CDH12: variants seen among roughly 807,000 people sequenced by gnomAD.
CDH12 encodes the protein cadherin-12.
CDH12 carries 41 observed loss-of-function variants against 74.1 expected under a neutral mutation model. That is an observed-to-expected ratio of 0.55 (90% CI 0.43 to 0.72). The LOEUF (loss-of-function observed/expected upper bound fraction) is 0.72, where lower values mean the gene tolerates loss of function less well. Ranked by LOEUF, CDH12 falls within the 30% of genes least tolerant of loss-of-function variation. The probability of loss-of-function intolerance (pLI) is 0.00; values close to 1 mark genes in which losing one functional copy is unlikely to be tolerated. For missense variants in CDH12, 945 were observed against 977.2 expected (o/e 0.97, Z 0.44); for synonymous variants, 399 against 355.0 (o/e 1.12, Z -1.39).
intron 4 of CDH12, among the ~76,000 whole-genome samples, chr5:22,087,546 C>A (rs949324697): frequency 6.6e-6 from 1 of 152,022 alleles, no homozygotes; most frequent in African/African-American, 2.4e-5. Flanking sequence ...GAGGCTGAGG[C>A]AGGAGAATTG....
At chr5:21,912,649 C>T (rs1753907821) in intron 6 of CDH12, among the ~76,000 whole-genome samples, 1 of 152,138 alleles carries the variant, frequency 6.6e-6, no homozygotes, top group Non-Finnish European at 1.5e-5. Context: ...TTAACTTTGA[C>T]TAGACAGTAG....
chr5:22,692,827 G>A (rs1351716675), intron 1 of CDH12, among the ~76,000 whole-genome samples: 2 of 150,500 alleles, frequency 1.3e-5, no homozygotes, highest in African/African-American at 4.9e-5. Flanking sequence ...TTTTTTTCCT[G>A]AATAAACCAT....
intron 1 of CDH12, among the ~76,000 whole-genome samples, chr5:22,849,988 T>G (rs950667443): frequency 6.6e-6 from 1 of 152,076 alleles, no homozygotes; most frequent in Non-Finnish European, 1.5e-5. Flanking sequence ...ATGCCTTGTT[T>G]TCAATAATTT....
At chr5:21,813,181 T>C (rs1384698477) in intron 9 of CDH12, among the ~76,000 whole-genome samples, 1 of 152,104 alleles carries the variant, frequency 6.6e-6, no homozygotes, top group Non-Finnish European at 1.5e-5. Flanking sequence ...CACTTGGGTC[T>C]ACAAGGGTAA....
intron 3 of CDH12, among the ~76,000 whole-genome samples, chr5:22,221,806 C>T (rs551642481): frequency 6.6e-6 from 1 of 151,960 alleles, no homozygotes; most frequent in African/African-American, 2.4e-5. Flanking sequence ...AAAGAAACTT[C>T]AATAGTCCCC....
chr5:22,390,575 GAGATAGATAGATAGAT>G (rs5866562), intron 3 of CDH12, among the ~76,000 whole-genome samples: 4,686 of 148,246 alleles, frequency 0.032, 158 homozygotes, highest in East Asian at 0.1. Flanking sequence ...GATGGATGGA[GAGATAGATAGATAGAT>G]AGATAGATAG....
intron 1 of CDH12, among the ~76,000 whole-genome samples, chr5:22,585,385 T>A (rs968593420): frequency 2.6e-5 from 4 of 152,306 alleles, no homozygotes; most frequent in Admixed American, 1.3e-4. Flanking sequence ...CTCTTTTTTT[T>A]ACCTATACTG....
At chr5:22,270,259 A>G (rs1736330757) in intron 3 of CDH12, among the ~76,000 whole-genome samples, 1 of 152,152 alleles carries the variant, frequency 6.6e-6, no homozygotes, top group South Asian at 2.1e-4. Flanking sequence ...AACTAATACT[A>G]ACTTGAAGTA....
chr5:22,257,908 G>C (rs1039808123), intron 3 of CDH12, among the ~76,000 whole-genome samples: 1 of 151,648 alleles, frequency 6.6e-6, no homozygotes, highest in African/African-American at 2.4e-5. Flanking sequence ...GGCATAAATG[G>C]GTTAATCTAA....
At chr5:22,639,583 G>A (rs1469712140) in intron 1 of CDH12, among the ~76,000 whole-genome samples, 1 of 151,924 alleles carries the variant, frequency 6.6e-6, no homozygotes, top group Non-Finnish European at 1.5e-5. Flanking sequence ...CTCTTGGTTG[G>A]GCCATCAAGA....
chr5:22,354,754 G>A (rs192933270), intron 3 of CDH12, among the ~76,000 whole-genome samples: 33 of 152,164 alleles, frequency 2.2e-4, no homozygotes, highest in Admixed American at 5.9e-4. Flanking sequence ...AGGTGACCAC[G>A]GTTGCTTATT....
chr5:21,922,903 TA>T (rs1754416441), intron 6 of CDH12, among the ~76,000 whole-genome samples: 1 of 151,762 alleles, frequency 6.6e-6, no homozygotes, highest in Non-Finnish European at 1.5e-5. Context: ...AGGCTAGTAA[TA>T]AATACAAGAA....
At chr5:22,831,684 C>A (rs1257550580) in intron 1 of CDH12, among the ~76,000 whole-genome samples, 6 of 151,924 alleles carry the variant, frequency 3.9e-5, no homozygotes, top group Admixed American at 3.3e-4. Context: ...ATCACGAGGT[C>A]AGGAGTTCAA....
chr5:22,450,381 A>G (rs1436169345), intron 2 of CDH12, among the ~76,000 whole-genome samples: 63 of 151,944 alleles, frequency 4.1e-4, no homozygotes, highest in Admixed American at 4.1e-3. Flanking sequence ...CTTTCTTCTA[A>G]AGTCTGTTTA....
intron 1 of CDH12, among the ~76,000 whole-genome samples, chr5:22,804,434 A>C (rs1748683419): frequency 6.6e-6 from 1 of 152,060 alleles, no homozygotes; most frequent in South Asian, 2.1e-4. Context: ...GCTTATGTGA[A>C]TGTGGGGGCT....
chr5:22,302,535 A>G (rs1343024352), intron 3 of CDH12, among the ~76,000 whole-genome samples: 1 of 152,184 alleles, frequency 6.6e-6, no homozygotes, highest in African/African-American at 2.4e-5. Context: ...GAAGATGTCA[A>G]TAAAGCATCT....
intron 2 of CDH12, among the ~76,000 whole-genome samples, chr5:22,486,364 G>C (rs541401550): frequency 1.3e-5 from 2 of 151,758 alleles, no homozygotes; most frequent in East Asian, 3.9e-4. Flanking sequence ...AACTCATCTT[G>C]TGATAATCTA....
At chr5:21,939,186 A>G (rs1276443064) in intron 6 of CDH12, among the ~76,000 whole-genome samples, 1 of 151,608 alleles carries the variant, frequency 6.6e-6, no homozygotes, top group Non-Finnish European at 1.5e-5. Flanking sequence ...GTTGTACTAA[A>G]TTTTAAATGT....
At chr5:21,917,122 A>C (rs1252599933) in intron 6 of CDH12, among the ~76,000 whole-genome samples, 1 of 152,048 alleles carries the variant, frequency 6.6e-6, no homozygotes, top group Non-Finnish European at 1.5e-5. Flanking sequence ...TTAAGTACTG[A>C]ACTCTCTGAA....
Sources: gnomAD v4.1 joint callset for allele counts (sites outside exome capture counted in the v4.1 genomes callset) on GRCh38, gnomAD v4.1.1 for gene constraint, MANE v1.5 for transcripts, NCBI Gene and HGNC (gene_info 2026-07-23, HGNC 2026-07-21) for gene names.